The following ADAM12 variants were observed in gnomAD, a reference collection of about 807,000 sequenced individuals.
The protein encoded by ADAM12 is ADAM metallopeptidase domain 12, also known as disintegrin and metalloproteinase domain-containing protein 12.
Under a neutral mutation model 106.4 loss-of-function variants are expected in ADAM12, and 70 were observed. That is an observed-to-expected ratio of 0.66 (90% CI 0.54 to 0.80). The LOEUF is 0.80. Among genes scored for constraint, ADAM12 ranks in the 30% least tolerant of loss-of-function variants. The probability of loss-of-function intolerance (pLI) is 0.00; values close to 1 mark genes in which losing one functional copy is unlikely to be tolerated. For missense variants in ADAM12, 1,010 were observed against 1,171.9 expected (o/e 0.86, Z 2.02); for synonymous variants, 420 against 433.5 (o/e 0.97, Z 0.39).
At chr10:126,054,454 C>G (rs1954583771) in intron 14 of ADAM12, among the ~76,000 whole-genome samples, 1 of 152,232 alleles carries the variant, frequency 6.6e-6, no homozygotes, top group South Asian at 2.1e-4. Flanking sequence ...AGTGACAGGT[C>G]AGTGGTTAGC....
At chr10:126,297,533 G>A (rs112098245) in intron 2 of ADAM12, among the ~76,000 whole-genome samples, 172 of 152,294 alleles carry the variant, frequency 1.1e-3, no homozygotes, top group African/African-American at 3.7e-3. Flanking sequence ...CTGGGTGAGG[G>A]AGCAAGGCCC....
At chr10:126,182,588 T>C (rs184049285) in intron 3 of ADAM12, among the ~76,000 whole-genome samples, 27 of 152,330 alleles carry the variant, frequency 1.8e-4, no homozygotes, top group Non-Finnish European at 1.8e-4. Flanking sequence ...ATAGGACTTA[T>C]CAGGCACATG....
rs564462507 is a variant in ADAM12, at chr10:126,163,739, C to T, written c.261-8434G>A. On this transcript the variant is annotated intron_variant, in intron 3 of 22. Coordinates refer to ENST00000448723, the MANE Select transcript of ADAM12 (RefSeq NM_001288973.2). ...TGCCAGGATTCTGTAACAAGACTTT[C>T]CCTATTCGGCCTTATTTCTTGTTTA... Among the ~76,000 whole-genome samples the T allele has an allele frequency of 1.2e-4, 18 of 152,288 alleles. No individual in the cohort carries two copies. In the South Asian group the frequency reaches 2.9e-3, roughly 25 times the overall value.
intron 4 of ADAM12, among the ~76,000 whole-genome samples, chr10:126,148,698 CAG>C (rs780587245): frequency 2.4e-4 from 37 of 152,304 alleles, no homozygotes; most frequent in African/African-American, 8.7e-4. Context: ...AGATGATCCA[CAG>C]AGTCAGATGA....
In ADAM12 at chr10:126,036,131, G is replaced by A; in HGVS notation, c.2529+15C>T. 7.0e-7 allele frequency: 1 copy of A among 1,437,220 alleles called. No homozygotes were observed. Among genetic ancestry groups the A allele is most frequent in the South Asian group, 1.6e-5 (1 of 61,562 alleles). The allele number at this position is 1,437,220 out of a possible 1,614,324, so 89.0% of individuals were successfully genotyped here. A position where few individuals can be genotyped will look rare whatever the true frequency, so the allele number is the denominator to read the frequency against. On this transcript the variant is annotated intron_variant, in intron 21 of 22. Coordinates refer to ENST00000448723, the MANE Select transcript of ADAM12 (RefSeq NM_001288973.2). ...ATTTGAACTACATCCTATCATATTA[G>A]TACTGAAAGCATACCTGGGCCTGCC... is the stretch of plus-strand genomic sequence containing the variant.
Position 126,041,644 on chromosome 10 carries a change from C to T in ADAM12, c.2104+1396G>A, listed in dbSNP as rs191482248. 36 of 988,004 alleles carry T rather than the reference C, an allele frequency of 3.6e-5. 1 individual carries two copies. In the African/African-American group the frequency reaches 5.8e-4, roughly 16 times the overall value. The allele number at this position is 988,004 out of a possible 1,614,324, so 61.2% of individuals were successfully genotyped here. ...TCTCTGATAAATTAAAAACTAAAACCCTGCTATTTTCATATAATAAATGCT... is the reference window on the plus strand; with the variant it reads ...TCTCTGATAAATTAAAAACTAAAACTCTGCTATTTTCATATAATAAATGCT... On this transcript the variant is annotated intron_variant, in intron 18 of 22. Transcript: ENST00000448723.
intron 1 of ADAM12, among the ~76,000 whole-genome samples, chr10:126,365,823 G>T (rs900462354): frequency 6.6e-6 from 1 of 152,154 alleles, no homozygotes; most frequent in Non-Finnish European, 1.5e-5. Context: ...ATATCAAGGA[G>T]CACAGCGATT....
intron 1 of ADAM12, among the ~76,000 whole-genome samples, chr10:126,385,063 T>A (rs1245892183): frequency 6.6e-6 from 1 of 152,222 alleles, no homozygotes; most frequent in Non-Finnish European, 1.5e-5. Flanking sequence ...CACTTGCTTA[T>A]ATTTACCAGT....
chr10:126,301,252 G>A (rs1298958546), intron 2 of ADAM12, among the ~76,000 whole-genome samples: 2 of 152,174 alleles, frequency 1.3e-5, no homozygotes, highest in Admixed American at 1.3e-4. Context: ...TTAACCAGAT[G>A]GTCTATAACC....
At chr10:126,202,878 A>C (rs909730761) in intron 3 of ADAM12, among the ~76,000 whole-genome samples, 4 of 141,908 alleles carry the variant, frequency 2.8e-5, no homozygotes, top group Non-Finnish European at 6.0e-5. Context: ...GTGAGACTCG[A>C]TCTTTAAACC....
At chr10:126,101,503 A>G (rs1422385764) in intron 8 of ADAM12, among the ~76,000 whole-genome samples, 1 of 152,214 alleles carries the variant, frequency 6.6e-6, no homozygotes, top group African/African-American at 2.4e-5. Context: ...TTGCATTTGT[A>G]TGGAAGCATA....
chr10:126,152,387 C>T (rs969283747), intron 4 of ADAM12, among the ~76,000 whole-genome samples: 1 of 152,004 alleles, frequency 6.6e-6, no homozygotes, highest in Non-Finnish European at 1.5e-5. Context: ...TGGATTCTGC[C>T]ATTTATCACT....
At chr10:126,157,192 G>T (rs2133728932) in intron 3 of ADAM12, among the ~76,000 whole-genome samples, 1 of 152,296 alleles carries the variant, frequency 6.6e-6, no homozygotes. Context: ...CCTCCATCCT[G>T]GTCCCTTACT....
chr10:126,289,422 G>A (rs1391541256), intron 2 of ADAM12, among the ~76,000 whole-genome samples: 1 of 152,224 alleles, frequency 6.6e-6, no homozygotes, highest in Admixed American at 6.5e-5. Flanking sequence ...CCAGTGCCAT[G>A]TGCCTGGCAT....
intron 5 of ADAM12, among the ~76,000 whole-genome samples, chr10:126,134,533 T>C (rs1956369240): frequency 6.6e-6 from 1 of 152,246 alleles, no homozygotes; most frequent in African/African-American, 2.4e-5. Context: ...TATTTTTAGT[T>C]ACATGAAAGG....
chr10:126,039,280 T>G lies in ADAM12; in HGVS notation c.2240+14A>C, dbSNP rs1242795646. 4 of 1,613,344 alleles carry G rather than the reference T, an allele frequency of 2.5e-6. No individual in the cohort carries two copies. The Admixed American group carries it at 6.7e-5, about 27-fold the overall frequency. ...ACCATTTCTAGAACAGATGACAAGC[T>G]AAACCCAGGGTACCTTAGTTTTTCA... On this transcript the variant is annotated intron_variant, in intron 19 of 22. Coordinates refer to ENST00000448723, the MANE Select transcript of ADAM12 (RefSeq NM_001288973.2).
intron 2 of ADAM12, among the ~76,000 whole-genome samples, chr10:126,328,360 C>T (rs10901593): frequency 0.26 from 40,216 of 152,162 alleles, 5,608 homozygotes; most frequent in Middle Eastern, 0.34. Context: ...ATATTCTTCA[C>T]GTGAGTATGT....
intron 3 of ADAM12, among the ~76,000 whole-genome samples, chr10:126,161,343 A>G (rs1351873507): frequency 6.6e-6 from 1 of 152,166 alleles, no homozygotes; most frequent in African/African-American, 2.4e-5. Context: ...AGAGGAAACC[A>G]AGACACAGCA....
chr10:126,200,821 G>A (rs189487079), intron 3 of ADAM12, among the ~76,000 whole-genome samples: 13 of 145,898 alleles, frequency 8.9e-5, no homozygotes, highest in Non-Finnish European at 1.6e-4. Context: ...TGAGATGGAC[G>A]TTGGAGAGTT....
Sources: allele counts gnomAD v4.1 joint callset (sites outside exome capture counted in the v4.1 genomes callset), GRCh38; gene constraint gnomAD v4.1.1; transcripts MANE v1.5; gene names NCBI Gene and HGNC (gene_info 2026-07-23, HGNC 2026-07-21).